The following OPRM1 variants were observed in gnomAD, a reference collection of about 807,000 sequenced individuals.
OPRM1 encodes the protein opioid receptor mu 1, also known as mu-type opioid receptor.
A neutral mutation model predicts 31.8 loss-of-function variants in OPRM1; 27 were observed. The ratio of observed to expected loss-of-function variants is 0.85; its 90% CI spans 0.63 to 1.17. OPRM1 has a LOEUF of 1.17. Among genes scored for constraint, OPRM1 ranks in the 50% most tolerant of loss-of-function variants. OPRM1 has a pLI of 0.00. For missense variants in OPRM1, 536 were observed against 511.1 expected (o/e 1.05, Z -0.47); for synonymous variants, 196 against 189.9 (o/e 1.03, Z -0.26).
At chr6:154,199,074 A>G (rs1776866322) in intron 3 of OPRM1, among the ~76,000 whole-genome samples, 1 of 152,218 alleles carries the variant, frequency 6.6e-6, no homozygotes. Context: ...TCCACACACA[A>G]TTAATTCTTT....
intron 3 of OPRM1, among the ~76,000 whole-genome samples, chr6:154,180,414 A>ATATATATATTT (rs1241250621): frequency 2.0e-4 from 13 of 65,268 alleles, no homozygotes; most frequent in African/African-American, 5.8e-4. Context: ...ATATATATAT[A>ATATATATATTT]TTTTTTTTTT....
Position 154,091,330 on chromosome 6 carries a change from T to C in OPRM1, c.1022T>C (p.Leu341Pro). Residue 341 changes from leucine (L) to proline (P), a missense_variant, in exon 3 of 4, where the codon CTG (leucine) becomes CCG (proline). Leu to Pro is a moderately conservative substitution (Grantham distance 98, BLOSUM62 -3). Coordinates refer to ENST00000330432, the MANE Select transcript of OPRM1 (RefSeq NM_000914.5). ...SCLNPVLYAFLDENFKRCFRE... is the reference protein window; with the variant it reads ...SCLNPVLYAFPDENFKRCFRE... ...CTCAACCCAGTCCTTTATGCATTTCTGGATGAAAACTTCAAACGATGCTTC... is the reference window on the plus strand; with the variant it reads ...CTCAACCCAGTCCTTTATGCATTTCCGGATGAAAACTTCAAACGATGCTTC... The C allele has an allele frequency of 6.2e-7, 1 of 1,614,240 alleles. No homozygotes were observed.
At chr6:154,073,807 A>T (rs1787284492) in intron 1 of OPRM1, 1 of 152,300 alleles carries the variant, frequency 6.6e-6, no homozygotes, top group African/African-American at 2.4e-5. Context: ...GTTCAAGACC[A>T]GCCTGGCCAG....
chr6:154,044,108 G>GGATA (rs201054198), intron 1 of OPRM1, among the ~76,000 whole-genome samples: 20 of 151,962 alleles, frequency 1.3e-4, no homozygotes, highest in African/African-American at 4.6e-4. Context: ...AAGGATGGAT[G>GGATA]GATAGATAGA....
chr6:154,201,276 T>C (rs564889231), intron 3 of OPRM1, among the ~76,000 whole-genome samples: 1 of 152,362 alleles, frequency 6.6e-6, no homozygotes, highest in African/African-American at 2.4e-5. Context: ...TCATTTATTC[T>C]GAGATTTTTA....
chr6:154,081,690 C>T (rs988796169), intron 1 of OPRM1, among the ~76,000 whole-genome samples: 4 of 152,152 alleles, frequency 2.6e-5, no homozygotes, highest in East Asian at 3.8e-4. Flanking sequence ...ATGCCTACTT[C>T]GACGTGGTCA....
chr6:154,093,390 T>C (rs1348646481), intron 3 of OPRM1: 2 of 1,614,072 alleles, frequency 1.2e-6, no homozygotes, highest in Non-Finnish European at 1.7e-6. Flanking sequence ...TCACTCGTCC[T>C]GCCTTCGTGG....
At chr6:154,047,421 G>A (rs1239232732) in intron 1 of OPRM1, among the ~76,000 whole-genome samples, 1 of 151,668 alleles carries the variant, frequency 6.6e-6, no homozygotes, top group African/African-American at 2.4e-5. Context: ...ACTGGCAAAG[G>A]TGGAGCGTGG....
chr6:154,136,858 C>T (rs1310383560), downstream of OPRM1, among the ~76,000 whole-genome samples: 1 of 152,164 alleles, frequency 6.6e-6, no homozygotes, highest in Non-Finnish European at 1.5e-5. Flanking sequence ...TAGCTGCCCA[C>T]ACCTACTTGT....
At chr6:154,229,346 G>GT (rs34462600) in intron 3 of OPRM1, among the ~76,000 whole-genome samples, 7,436 of 112,634 alleles carry the variant, frequency 0.066, 585 homozygotes, top group East Asian at 0.18. Context: ...AAGTTTGCCG[G>GT]TTTTTTTTTT....
chr6:154,097,345 T>TA (rs1266719395), intron 3 of OPRM1, among the ~76,000 whole-genome samples: 1 of 152,156 alleles, frequency 6.6e-6, no homozygotes, highest in Non-Finnish European at 1.5e-5. Context: ...CCAGCTAAAC[T>TA]AAAAGCAGAA....
intron 1 of OPRM1, among the ~76,000 whole-genome samples, chr6:154,032,717 C>T (rs1779082078): frequency 6.6e-6 from 1 of 152,210 alleles, no homozygotes; most frequent in South Asian, 2.1e-4. Flanking sequence ...CAGGCATGAG[C>T]CACCTCACCC....
chr6:154,243,556 C>A (rs543842517), intron 3 of OPRM1, among the ~76,000 whole-genome samples: 1 of 152,250 alleles, frequency 6.6e-6, no homozygotes, highest in African/African-American at 2.4e-5. Context: ...CAGGCAATGA[C>A]GGAGAGAGAA....
chr6:154,088,941 T>C (rs1453071397), intron 1 of OPRM1, among the ~76,000 whole-genome samples: 2 of 152,202 alleles, frequency 1.3e-5, no homozygotes, highest in Non-Finnish European at 1.5e-5. Context: ...TAGAATGACC[T>C]GCTCCTACCA....
Position 154,091,267 on chromosome 6 carries a change from G to T in OPRM1, c.959G>T (p.Trp320Leu). The change falls in exon 3 of 4, where the codon TGG becomes TTG. Residue 320 changes from tryptophan to leucine, a missense_variant. Coordinates refer to ENST00000330432, the MANE Select transcript of OPRM1 (RefSeq NM_000914.5). ...IPETTFQTVS[W>L]HFCIALGYTN... ...GAAACTACGTTCCAGACTGTTTCTTGGCACTTCTGCATTGCTCTAGGTTAC... is the reference window on the plus strand; with the variant it reads ...GAAACTACGTTCCAGACTGTTTCTTTGCACTTCTGCATTGCTCTAGGTTAC... 1 of 1,614,132 alleles carries T rather than the reference G, an allele frequency of 6.2e-7. No homozygotes were observed. Among genetic ancestry groups the T allele is most frequent in the Non-Finnish European group, 8.5e-7 (1 of 1,180,014 alleles).
At chr6:154,245,940 G>A (rs973762690) in intron 3 of OPRM1, among the ~76,000 whole-genome samples, 17 of 152,208 alleles carry the variant, frequency 1.1e-4, no homozygotes, top group African/African-American at 4.1e-4. Context: ...GACCACAACA[G>A]TATACCGACT....
intron 3 of OPRM1, among the ~76,000 whole-genome samples, chr6:154,161,682 A>G (rs1018869684): frequency 6.6e-6 from 1 of 152,192 alleles, no homozygotes; most frequent in Non-Finnish European, 1.5e-5. Context: ...ATTTACGGGT[A>G]AGTCATGGCC....
At chr6:154,116,282 A>G (rs1338952659) in intron 3 of OPRM1, among the ~76,000 whole-genome samples, 1 of 152,086 alleles carries the variant, frequency 6.6e-6, no homozygotes, top group Non-Finnish European at 1.5e-5. Context: ...ATGAGATTTT[A>G]TTGACTTAAG....
chr6:154,071,530 C>G (rs184660664), intron 1 of OPRM1, among the ~76,000 whole-genome samples: 1 of 151,786 alleles, frequency 6.6e-6, no homozygotes, highest in South Asian at 2.1e-4. Context: ...CCAGCGAAAA[C>G]CCCCAGGAAT....
Sources: gnomAD v4.1 joint callset for allele counts (sites outside exome capture counted in the v4.1 genomes callset) on GRCh38, gnomAD v4.1.1 for gene constraint, MANE v1.5 for transcripts, NCBI Gene and HGNC (gene_info 2026-07-23, HGNC 2026-07-21) for gene names.